The following ANKFN1 variants were observed in gnomAD, a reference collection of about 807,000 sequenced individuals.
The protein encoded by ANKFN1 is ankyrin repeat and fibronectin type III domain containing 1.
A neutral mutation model predicts 108.7 loss-of-function variants in ANKFN1; 74 were observed. The observed-to-expected ratio is 0.68, with a 90% CI of 0.56 to 0.83. The LOEUF (loss-of-function observed/expected upper bound fraction) is 0.83. Ranked by LOEUF, ANKFN1 falls within the 40% of genes least tolerant of loss-of-function variation. The probability of loss-of-function intolerance (pLI) is 0.00; values close to 1 mark genes in which losing one functional copy is unlikely to be tolerated. For synonymous variants in ANKFN1, 547 were observed against 516.2 expected (o/e 1.06, Z -0.81); for missense variants, 1,505 against 1,382.3 (o/e 1.09, Z -1.41).
At chr17:56,481,349 G>A (rs554095372) in intron 17 of ANKFN1, among the ~76,000 whole-genome samples, 1 of 152,064 alleles carries the variant, frequency 6.6e-6, no homozygotes, top group Non-Finnish European at 1.5e-5. Flanking sequence ...CCACTAATAA[G>A]CAACTTCAAG....
At chr17:56,203,195 A>T (rs1429525693) in intron 1 of ANKFN1, among the ~76,000 whole-genome samples, 1 of 152,174 alleles carries the variant, frequency 6.6e-6, no homozygotes, top group African/African-American at 2.4e-5. Context: ...TTTTATTTTT[A>T]TGAATATATC....
intron 3 of ANKFN1, among the ~76,000 whole-genome samples, chr17:56,325,520 G>T (rs1164307718): frequency 1.3e-5 from 2 of 152,176 alleles, no homozygotes; most frequent in Non-Finnish European, 2.9e-5. Context: ...AGCAGCACTG[G>T]AATCTTCTTC....
intron 4 of ANKFN1, among the ~76,000 whole-genome samples, chr17:56,126,859 T>C (rs1035461665): frequency 1.3e-5 from 2 of 152,258 alleles, no homozygotes; most frequent in African/African-American, 4.8e-5. Flanking sequence ...ACTAGATATT[T>C]AAATTTTTTT....
At chr17:56,340,546 C>T (rs1347016350) in intron 4 of ANKFN1, among the ~76,000 whole-genome samples, 1 of 152,044 alleles carries the variant, frequency 6.6e-6, no homozygotes, top group Non-Finnish European at 1.5e-5. Context: ...TATCCCAGCA[C>T]CATTTATTGA....
chr17:56,266,024 G>A lies in ANKFN1; in HGVS notation c.53+38067G>A, dbSNP rs537236972. Among the ~76,000 whole-genome samples the A allele has an allele frequency of 1.4e-4, 22 of 152,222 alleles. No homozygotes were observed. In the East Asian group the frequency reaches 2.1e-3, roughly 15 times the overall value. On this transcript the variant is annotated intron_variant, in intron 3 of 20. Transcript: ENST00000682825. ...TCTCTGGAAGAGTATCTAGCTACTG[G>A]CTTTTCTCTGGGACACCAGAGTAGA...
chr17:56,506,775 G>C (rs2145480294), intron 20 of ANKFN1, among the ~76,000 whole-genome samples: 1 of 152,164 alleles, frequency 6.6e-6, no homozygotes, highest in African/African-American at 2.4e-5. Context: ...AGTTTCCACA[G>C]AGAGTCATGG....
intron 1 of ANKFN1, among the ~76,000 whole-genome samples, chr17:56,191,499 C>T (rs1236772969): frequency 4.6e-5 from 2 of 43,874 alleles, no homozygotes; most frequent in African/African-American, 2.2e-4. Flanking sequence ...ATATGAAATT[C>T]TGGGTTGAAA....
chr17:56,309,196 T>C (rs1397381896), intron 3 of ANKFN1, among the ~76,000 whole-genome samples: 1 of 152,188 alleles, frequency 6.6e-6, no homozygotes, highest in Non-Finnish European at 1.5e-5. Flanking sequence ...ATTACTTTTT[T>C]TGATGTTTCT....
At chr17:56,196,996 A>G (rs1268356680) in intron 1 of ANKFN1, among the ~76,000 whole-genome samples, 1 of 152,210 alleles carries the variant, frequency 6.6e-6, no homozygotes, top group African/African-American at 2.4e-5. Flanking sequence ...CAACTTTACT[A>G]TTGGATATTT....
At chr17:56,301,076 G>A (rs987556092) in intron 3 of ANKFN1, among the ~76,000 whole-genome samples, 10 of 152,166 alleles carry the variant, frequency 6.6e-5, no homozygotes, top group African/African-American at 1.7e-4. Context: ...CACAAAGCTT[G>A]GTGAAGATGA....
chr17:56,433,456 C>A (rs1197620747), intron 8 of ANKFN1, among the ~76,000 whole-genome samples: 1 of 151,688 alleles, frequency 6.6e-6, no homozygotes, highest in Non-Finnish European at 1.5e-5. Context: ...TACATACATA[C>A]TATATATATG....
At chr17:56,391,765 T>C (rs2047445577) in intron 8 of ANKFN1, among the ~76,000 whole-genome samples, 1 of 152,160 alleles carries the variant, frequency 6.6e-6, no homozygotes, top group African/African-American at 2.4e-5. Flanking sequence ...GTGATGTTAA[T>C]GTTCATGTAG....
chr17:56,108,314 G>A (rs1286062903), intron 4 of ANKFN1, among the ~76,000 whole-genome samples: 1 of 152,198 alleles, frequency 6.6e-6, no homozygotes, highest in Non-Finnish European at 1.5e-5. Flanking sequence ...GATTACAGGT[G>A]TGAGCCACGG....
intron 8 of ANKFN1, among the ~76,000 whole-genome samples, chr17:56,379,857 G>C (rs2047046265): frequency 6.6e-6 from 1 of 152,308 alleles, no homozygotes; most frequent in East Asian, 1.9e-4. Context: ...TTCACACACT[G>C]TCCCATTGAT....
chr17:56,162,806 C>G (rs572448168), intron 1 of ANKFN1, among the ~76,000 whole-genome samples: 2 of 152,074 alleles, frequency 1.3e-5, no homozygotes, highest in African/African-American at 2.4e-5. Flanking sequence ...GAGACTGAGG[C>G]GGGTGGATCA....
chr17:56,049,413 TA>T (rs1311154164), intron 4 of ANKFN1, among the ~76,000 whole-genome samples: 4 of 152,086 alleles, frequency 2.6e-5, no homozygotes, highest in Admixed American at 6.5e-5. Flanking sequence ...TATTATACTT[TA>T]AGTTTTAGGG....
chr17:56,405,495 C>T (rs899266950), intron 8 of ANKFN1, among the ~76,000 whole-genome samples: 2 of 152,110 alleles, frequency 1.3e-5, no homozygotes, highest in African/African-American at 2.4e-5. Flanking sequence ...ATCAACATTA[C>T]AAATGCAAAT....
At chr17:56,307,905 A>G (rs2044881551) in intron 3 of ANKFN1, among the ~76,000 whole-genome samples, 1 of 152,226 alleles carries the variant, frequency 6.6e-6, no homozygotes, top group African/African-American at 2.4e-5. Context: ...GCCATAAAAA[A>G]TGATGAGTTC....
At chr17:56,283,668 C>T (rs1052730945) in intron 3 of ANKFN1, among the ~76,000 whole-genome samples, 1 of 151,702 alleles carries the variant, frequency 6.6e-6, no homozygotes, top group Non-Finnish European at 1.5e-5. Context: ...TGTTCTCACT[C>T]ATAAGTGTGA....
Sources: gnomAD v4.1 joint callset for allele counts (sites outside exome capture counted in the v4.1 genomes callset) on GRCh38, gnomAD v4.1.1 for gene constraint, MANE v1.5 for transcripts, NCBI Gene and HGNC (gene_info 2026-07-23, HGNC 2026-07-21) for gene names.